The following DDX55 variants were observed in gnomAD, a reference collection of about 807,000 sequenced individuals.
DDX55 encodes ATP-dependent RNA helicase DDX55.
In DDX55, 56 loss-of-function variants were observed where a neutral mutation model predicts 69.2. The ratio of observed to expected loss-of-function variants is 0.81; its 90% confidence interval spans 0.65 to 1.01. The LOEUF is 1.01. Ranked by LOEUF, DDX55 falls within the 50% of genes least tolerant of loss-of-function variation. DDX55 has a pLI of 0.00. For synonymous variants in DDX55, 268 were observed against 273.1 expected (o/e 0.98, Z 0.18); for missense variants, 720 against 745.1 (o/e 0.97, Z 0.39).
In DDX55 at chr12:123,602,121, G is replaced by A. The variant is rs201503165; in HGVS notation, c.-28G>A. 6.5e-7 allele frequency: 1 copy of A among 1,534,812 alleles called. No homozygotes were observed. The highest frequency in any genetic ancestry group is 1.2e-5 in the South Asian group (1 of 83,604). ...GGTGCACAAGGCGCGTTCGAGCAGC[G>A]GCGACCGACGCGGCGAAGGAGCGCG... On this transcript the variant is annotated 5_prime_UTR_variant, in exon 1 of 14. Transcript: ENST00000238146.
At chr12:123,612,545 A>G (rs1409334411) in intron 7 of DDX55, among the ~76,000 whole-genome samples, 1 of 152,174 alleles carries the variant, frequency 6.6e-6, no homozygotes, top group Non-Finnish European at 1.5e-5. Context: ...GGAAATCAGT[A>G]TTCACCTTAG....
chr12:123,618,173 C>T (rs1954836803), intron 11 of DDX55: 7 of 389,700 alleles, frequency 1.8e-5, no homozygotes, highest in South Asian at 1.5e-4. Flanking sequence ...TGCGCCACCC[C>T]AGCTAATTTT....
intron 9 of DDX55, 103 bp from the exon 10 acceptor site, chr12:123,616,408 A>C: frequency 2.1e-6 from 2 of 960,102 alleles, no homozygotes; most frequent in South Asian, 1.5e-5. Context: ...TTCTGTGAGA[A>C]GCTCCAGCAC....
intron 5 of DDX55, 23 bp downstream of exon 5, chr12:123,607,685 G>C (rs752217898): frequency 1.2e-6 from 2 of 1,614,080 alleles, no homozygotes; most frequent in Admixed American, 1.7e-5. Context: ...GTGTCTGCTT[G>C]TTTCTTTGCT....
rs768796871 is a variant in DDX55 at position 123,617,847 on chromosome 12, T to G, written c.1139T>G (p.Ile380Ser). 3.7e-6 allele frequency: 6 copies of G among 1,614,166 alleles called. No homozygotes were observed. The highest frequency in any genetic ancestry group is 5.1e-6 in the Non-Finnish European group (6 of 1,180,036). The change falls in exon 11 of 14, where the codon ATC becomes AGC. Residue 380 changes from isoleucine to serine, a missense_variant. By Grantham distance (142) the Ile-to-Ser change is moderately radical. Transcript: ENST00000238146. ...CTCCTGCCCATGGAAGAGTCATACA[T>G]CAATTTCCTTGCAATTAACCAAAAA... ...VFLLPMEESY[I>S]NFLAINQKCP...
chr12:123,611,487 A>G (rs1187136845), intron 7 of DDX55, among the ~76,000 whole-genome samples: 2 of 152,192 alleles, frequency 1.3e-5, no homozygotes, highest in African/African-American at 2.4e-5. Flanking sequence ...CTCTTTTGCA[A>G]TAAGCTTTCT....
chr12:123,616,373 T>G, intron 9 of DDX55, 138 bp from the exon 10 acceptor site: 1 of 722,702 alleles, frequency 1.4e-6, no homozygotes, highest in Non-Finnish European at 2.3e-6. Flanking sequence ...GAAGAAAAAA[T>G]CAAAATATTA....
intron 11 of DDX55, chr12:123,618,397 A>G (rs982017843): frequency 4.5e-6 from 4 of 886,822 alleles, no homozygotes; most frequent in African/African-American, 1.6e-5. Flanking sequence ...GCTGGGACCC[A>G]GGCAAGGGTT....
In DDX55 at chr12:123,620,629, A is replaced by ATAT. The variant is rs1566211855; in HGVS notation, c.*489_*490insTAT. The stretch of plus-strand genomic sequence containing the variant: ...ATATATATATATATATATATATATA[A>ATAT]GCTCTTTTTTCTGAGGCTATTTTAT... On this transcript the variant is annotated 3_prime_UTR_variant, in exon 14 of 14. Coordinates refer to ENST00000238146, the MANE Select transcript of DDX55 (RefSeq NM_020936.3). 8.2e-5 allele frequency: 5 copies of ATAT among 60,856 alleles called. No individual in the cohort carries two copies. The highest frequency in any genetic ancestry group is 1.4e-4 in the Non-Finnish European group (4 of 29,192). The allele number at this position is 60,856 out of a possible 1,614,324, so 3.8% of individuals were successfully genotyped here.
rs73414256 is a variant in DDX55, at chr12:123,607,398, C to T, written c.247-34C>T. 2.8e-4 allele frequency: 454 copies of T among 1,610,386 alleles called. 1 individual carries two copies. In the African/African-American group the frequency reaches 5.7e-3, roughly 20 times the overall value. ...AGTTCCTCTCTGGGAGTCCCTTGTG[C>T]TGCTGACTGTGTCCCTTCCTTCCAT... On this transcript the variant is annotated intron_variant, in intron 3 of 13. Coordinates refer to ENST00000238146, the MANE Select transcript of DDX55 (RefSeq NM_020936.3).
intron 7 of DDX55, among the ~76,000 whole-genome samples, chr12:123,610,737 G>A (rs1954173149): frequency 1.4e-5 from 2 of 143,514 alleles, no homozygotes; most frequent in African/African-American, 5.2e-5. Context: ...TCAGCCTCCC[G>A]AATAGCTGGG....
chr12:123,608,833 C>T lies in DDX55; in HGVS notation c.551+4C>T. The T allele has an allele frequency of 6.2e-7, 1 of 1,612,390 alleles. No homozygotes were observed. The highest frequency in any genetic ancestry group is 8.5e-7 in the Non-Finnish European group (1 of 1,178,966). On this transcript the variant is annotated splice_donor_region_variant and intron_variant, in intron 6 of 13. Coordinates refer to ENST00000238146, the MANE Select transcript of DDX55 (RefSeq NM_020936.3). ...TGGACATGGGGTTTGAGGCAAGGTA[C>T]TGGACTTTGGACTTCACTGGCTTGA...
intron 12 of DDX55, 37 bp downstream of exon 12, chr12:123,618,874 T>C (rs775337366): frequency 5.0e-6 from 8 of 1,606,470 alleles, no homozygotes; most frequent in Non-Finnish European, 6.8e-6. Context: ...TGTCTCCATC[T>C]TAACTATGTG....
At chr12:123,613,536 T>C (rs1954426152) in intron 8 of DDX55, among the ~76,000 whole-genome samples, 1 of 152,126 alleles carries the variant, frequency 6.6e-6, no homozygotes, top group Non-Finnish European at 1.5e-5. Context: ...TGTCACCTCA[T>C]GGATTCTGGA....
chr12:123,607,441 A>G lies in DDX55; in HGVS notation c.256A>G (p.Ile86Val). ...CCTTCCATGTGGGTAGGTTGGAGCC[A>G]TAATCATCACCCCCACTCGAGAGCT... Reference protein sequence around the residue: ...EKLKKSQVGAIIITPTRELAI... With the variant: ...EKLKKSQVGAVIITPTRELAI... The change falls in exon 4 of 14, where the codon ATA becomes GTA. Residue 86 changes from isoleucine (I) to valine (V), a missense_variant. Physicochemically the swap from Ile to Val is conservative, Grantham distance 29. Coordinates refer to ENST00000238146, the MANE Select transcript of DDX55 (RefSeq NM_020936.3). 3 of 1,614,100 alleles carry G rather than the reference A, an allele frequency of 1.9e-6. No homozygotes were observed. Among genetic ancestry groups the G allele is most frequent in the Non-Finnish European group, 2.5e-6 (3 of 1,180,006 alleles).
chr12:123,608,002 G>T (rs1953995329), intron 5 of DDX55: 1 of 312,820 alleles, frequency 3.2e-6, no homozygotes, highest in Non-Finnish European at 6.0e-6. Context: ...CTCAGTAGTG[G>T]CAGGTTTTGA....
chr12:123,613,947 C>G (rs924334050), intron 8 of DDX55, among the ~76,000 whole-genome samples: 10 of 151,948 alleles, frequency 6.6e-5, no homozygotes, highest in African/African-American at 1.9e-4. Flanking sequence ...CCCTTTTCTC[C>G]AGAGATAAAT....
intron 6 of DDX55, among the ~76,000 whole-genome samples, chr12:123,609,604 C>T (rs1240766486): frequency 1.3e-5 from 2 of 151,918 alleles, no homozygotes; most frequent in Admixed American, 1.3e-4. Flanking sequence ...AACTCCTGGG[C>T]TCAAGAGATC....
At chr12:123,617,980 C>G (rs748447826) in intron 11 of DDX55, 108 bp downstream of exon 11, 3 of 1,019,150 alleles carry the variant, frequency 2.9e-6, no homozygotes, top group South Asian at 2.7e-5. Flanking sequence ...CTCACTGGGG[C>G]TGGGCTGGTG....
Sources: allele counts gnomAD v4.1 joint callset (sites outside exome capture counted in the v4.1 genomes callset), GRCh38; gene constraint gnomAD v4.1.1; transcripts MANE v1.5; gene names NCBI Gene and HGNC (gene_info 2026-07-23, HGNC 2026-07-21).